AGAP1: variants seen among roughly 807,000 people sequenced by gnomAD.
AGAP1 encodes the protein ArfGAP with GTPase domain, ankyrin repeat and PH domain 1.
In AGAP1, 29 loss-of-function variants were observed where a neutral mutation model predicts 105.3. The ratio of observed to expected loss-of-function variants is 0.28; its 90% CI spans 0.21 to 0.38. The LOEUF (loss-of-function observed/expected upper bound fraction) is 0.38. Ranked by LOEUF, AGAP1 falls within the 10% of genes least tolerant of loss-of-function variation. The pLI, the probability that AGAP1 is intolerant of heterozygous loss-of-function variation, is 1.00. For synonymous variants in AGAP1, 509 were observed against 485.9 expected (o/e 1.05, Z -0.63); for missense variants, 998 against 1,165.1 (o/e 0.86, Z 2.09).
intron 11 of AGAP1, among the ~76,000 whole-genome samples, chr2:235,918,643 T>C (rs2052020956): frequency 6.6e-6 from 1 of 152,244 alleles, no homozygotes; most frequent in South Asian, 2.1e-4. Flanking sequence ...TCTCTTTCTT[T>C]GTTATCCTCT....
chr2:235,892,957 T>C (rs1189929295), intron 10 of AGAP1, among the ~76,000 whole-genome samples: 3 of 152,228 alleles, frequency 2.0e-5, no homozygotes, highest in Non-Finnish European at 4.4e-5. Context: ...AAGAGCGTAG[T>C]CAGACATGTC....
intron 1 of AGAP1, among the ~76,000 whole-genome samples, chr2:235,595,947 G>A (rs953111919): frequency 2.0e-5 from 3 of 152,228 alleles, no homozygotes; most frequent in African/African-American, 7.2e-5. Flanking sequence ...TTTCGTCTCA[G>A]AATGAAGCAG....
At chr2:235,676,152 T>C (rs1948724266) in intron 1 of AGAP1, among the ~76,000 whole-genome samples, 1 of 152,220 alleles carries the variant, frequency 6.6e-6, no homozygotes, top group African/African-American at 2.4e-5. Flanking sequence ...GTCAGTAGCA[T>C]ACTGGAGGAG....
rs570174378 is a variant in AGAP1, at chr2:235,909,590, G to C, written c.1324+684G>C. Among the ~76,000 whole-genome samples the C allele has an allele frequency of 3.3e-5, 5 of 152,182 alleles. No individual in the cohort carries two copies. The East Asian group carries it at 9.6e-4, about 29-fold the overall frequency. ...GTCTGCTCATCAGAGATAAGGAGAAGATCCTCTTGAGCCCTCCCATAAACA... is the reference window on the plus strand; with the variant it reads ...GTCTGCTCATCAGAGATAAGGAGAACATCCTCTTGAGCCCTCCCATAAACA... On this transcript the variant is annotated intron_variant, in intron 11 of 17. Transcript: ENST00000304032.
rs1946854804 is a variant in AGAP1, at chr2:235,632,326, C to T, written c.164-76853C>T. ...AGAAGTCAGTTTCTGAGCTTCAGAG[C>T]CTTTGGCTATCCTCGGGGTGCCTCA... On this transcript the variant is annotated intron_variant, in intron 1 of 17. Transcript: ENST00000304032. Among the ~76,000 whole-genome samples the T allele has an allele frequency of 2.0e-5, 3 of 152,182 alleles. 1 individual carries two copies. The South Asian group carries it at 6.2e-4, about 32-fold the overall frequency.
At chr2:235,980,678 A>G (rs566251262) in intron 13 of AGAP1, among the ~76,000 whole-genome samples, 14 of 152,284 alleles carry the variant, frequency 9.2e-5, no homozygotes, top group Non-Finnish European at 2.1e-4. Context: ...TTATCTAAAG[A>G]TCTTTTCATC....
At chr2:235,944,286 C>A (rs2053395366) in intron 12 of AGAP1, among the ~76,000 whole-genome samples, 1 of 152,172 alleles carries the variant, frequency 6.6e-6, no homozygotes, top group Non-Finnish European at 1.5e-5. Flanking sequence ...TCCATCTGGT[C>A]ATAGTTCAAG....
rs1022107528 is a variant in AGAP1 at position 235,901,750 on chromosome 2, G to A, written c.1156-6988G>A. Reference sequence around the variant, plus strand: ...ACAGAAATTAGGTGAGCATAGGAACGTGCCTGTAATCCCAGCTACTCAGGA... The same window carrying A: ...ACAGAAATTAGGTGAGCATAGGAACATGCCTGTAATCCCAGCTACTCAGGA... On this transcript the variant is annotated intron_variant, in intron 10 of 17. Coordinates refer to ENST00000304032, the MANE Select transcript of AGAP1 (RefSeq NM_001037131.3). The surrounding 1 kb of genome is among the most constrained non-coding windows in gnomAD (Gnocchi z 4.3). Among the ~76,000 whole-genome samples the A allele has an allele frequency of 3.9e-5, 6 of 152,000 alleles. No individual in the cohort carries two copies. The highest frequency in any genetic ancestry group is 9.7e-5 in the African/African-American group (4 of 41,376).
At chr2:236,031,261 T>C (rs868371941) in intron 13 of AGAP1, among the ~76,000 whole-genome samples, 5 of 152,300 alleles carry the variant, frequency 3.3e-5, no homozygotes, top group Middle Eastern at 6.8e-3. Flanking sequence ...ACTTGAAGTT[T>C]GCCTTCACTA....
Position 235,592,307 on chromosome 2 carries a change from G to A in AGAP1, c.163+97458G>A, listed in dbSNP as rs531909634. 1.3e-3 allele frequency among the ~76,000 whole-genome samples: 194 copies of A among 151,464 alleles called. 2 individuals are homozygous for A. The highest frequency in any genetic ancestry group is 6.8e-3 in the Middle Eastern group (2 of 292). ...GGAGGAGTAGATGAGCCATGTTCTGGGGGGCAGTGAGCAGGATGGTGAAGG... is the reference window on the plus strand; with the variant it reads ...GGAGGAGTAGATGAGCCATGTTCTGAGGGGCAGTGAGCAGGATGGTGAAGG... On this transcript the variant is annotated intron_variant, in intron 1 of 17. Coordinates refer to ENST00000304032, the MANE Select transcript of AGAP1 (RefSeq NM_001037131.3).
chr2:235,649,486 AC>A (rs1202002974), intron 1 of AGAP1, among the ~76,000 whole-genome samples: 2 of 152,210 alleles, frequency 1.3e-5, no homozygotes, highest in East Asian at 3.9e-4. Context: ...CGATCCTCCC[AC>A]CCCAGCCTTC....
At position 235,883,367 on chromosome 2, in the gene AGAP1, G is replaced by A. The variant is rs551951357; in HGVS notation, c.1073G>A (p.Gly358Asp). 3 of 1,614,010 alleles carry A rather than the reference G, an allele frequency of 1.9e-6. No homozygotes were observed. The highest frequency in any genetic ancestry group is 2.2e-5 in the East Asian group (1 of 44,876). The part of the protein sequence containing the change: ...IKQGMLLKRS[G>D]KSLNKEWKKK... ...TAGGGCATGCTGTTGAAGCGAAGTG[G>A]CAAATCGTTGAATAAAGAGTGGAAA... The change falls in exon 10 of 18, where the codon GGC (glycine) becomes GAC (aspartate). Residue 358 changes from glycine to aspartate, a missense_variant. Around this residue, in one of 3 missense-constraint regions of AGAP1, gnomAD observed 735 missense variants for 833.4 expected, o/e 0.88. Transcript: ENST00000304032. The surrounding 1 kb of genome is among the most constrained non-coding windows in gnomAD (Gnocchi z 4.5).
In AGAP1 at chr2:236,119,990, T is replaced by C. The variant is rs1227809455; in HGVS notation, c.2115-202T>C. Among the ~76,000 whole-genome samples, 1 of 152,156 alleles carries C rather than the reference T, an allele frequency of 6.6e-6. No homozygotes were observed. Among genetic ancestry groups the C allele is most frequent in the Non-Finnish European group, 1.5e-5 (1 of 68,018 alleles). On this transcript the variant is annotated intron_variant, in intron 16 of 17. Coordinates refer to ENST00000304032, the MANE Select transcript of AGAP1 (RefSeq NM_001037131.3). This position sits in a 1 kb window ranked among gnomAD's most constrained non-coding sequence, Gnocchi z 6.6. ...TGGGGCGTGACCTGAGAATCTGCAT[T>C]TCTGGGCTGATGCTGCTGGTGAGGA...
chr2:236,116,062 T>A (rs2059763181), intron 16 of AGAP1, among the ~76,000 whole-genome samples: 1 of 151,896 alleles, frequency 6.6e-6, no homozygotes, highest in South Asian at 2.1e-4. Flanking sequence ...AGCCTCGGCC[T>A]CCCGGAGTGT....
chr2:235,503,994 G>A (rs1307756557), intron 1 of AGAP1, among the ~76,000 whole-genome samples: 1 of 152,138 alleles, frequency 6.6e-6, no homozygotes, highest in Non-Finnish European at 1.5e-5. Flanking sequence ...CGATCCTCCT[G>A]CCTTGGCCTC....
rs116191050 is a variant in AGAP1 at position 235,498,137 on chromosome 2, T to G, written c.163+3288T>G. 5.6e-4 allele frequency among the ~76,000 whole-genome samples: 85 copies of G among 152,268 alleles called. 1 individual carries two copies. The highest frequency in any genetic ancestry group is 1.0e-3 in the South Asian group (5 of 4,824). The stretch of plus-strand genomic sequence containing the variant: ...CTCTTAACGATGGACTAAACATATT[T>G]TAGTTGAAAGGCCCACCAAGGCTCC... On this transcript the variant is annotated intron_variant, in intron 1 of 17. Coordinates refer to ENST00000304032, the MANE Select transcript of AGAP1 (RefSeq NM_001037131.3).
In AGAP1 at chr2:235,557,535, C is replaced by T. The variant is rs940603384; in HGVS notation, c.163+62686C>T. On this transcript the variant is annotated intron_variant, in intron 1 of 17. Transcript: ENST00000304032. The surrounding 1 kb of genome is among the most constrained non-coding windows in gnomAD (Gnocchi z 4.7). ...CTTATAAAAAATGGAAAATGAGAAA[C>T]GATGATGTCAGTGAACATTTATTGG... Among the ~76,000 whole-genome samples, 7 of 152,144 alleles carry T rather than the reference C, an allele frequency of 4.6e-5. No individual in the cohort carries two copies. The highest frequency in any genetic ancestry group is 1.4e-4 in the African/African-American group (6 of 41,416).
intron 1 of AGAP1, among the ~76,000 whole-genome samples, chr2:235,636,566 C>T (rs1453385962): frequency 6.6e-6 from 1 of 152,168 alleles, no homozygotes; most frequent in African/African-American, 2.4e-5. Context: ...GGCCCCCCAG[C>T]GTCCACTCCC....
At chr2:235,629,854 A>C (rs1163101682) in intron 1 of AGAP1, among the ~76,000 whole-genome samples, 2 of 121,458 alleles carry the variant, frequency 1.6e-5, no homozygotes, top group Non-Finnish European at 3.3e-5. Context: ...ACTGAGGGAG[A>C]CCCTGTCTCA....
Sources: allele counts gnomAD v4.1 joint callset (sites outside exome capture counted in the v4.1 genomes callset), GRCh38; gene constraint gnomAD v4.1.1; regional missense constraint gnomAD v4.1.1; non-coding constraint Gnocchi (gnomAD v3.1); transcripts MANE v1.5; gene names NCBI Gene and HGNC (gene_info 2026-07-23, HGNC 2026-07-21).